The following TTLL5 variants were observed in gnomAD, a reference collection of about 807,000 sequenced individuals.
TTLL5 encodes the protein tubulin tyrosine ligase like 5, also known as tubulin polyglutamylase TTLL5.
In TTLL5, 132 loss-of-function variants were observed where a neutral mutation model predicts 168.4. The observed-to-expected ratio is 0.78, with a 90% CI of 0.68 to 0.91. The LOEUF (loss-of-function observed/expected upper bound fraction) is 0.91, where lower values mean the gene tolerates loss of function less well. Ranked by LOEUF, TTLL5 falls within the 40% of genes least tolerant of loss-of-function variation. The pLI is 0.00. For missense variants in TTLL5, 1,545 were observed against 1,581.5 expected (o/e 0.98, Z 0.39); for synonymous variants, 546 against 558.6 (o/e 0.98, Z 0.32).
At position 75,950,013 on chromosome 14, in the gene TTLL5, G is replaced by A. The variant is rs1237074209; in HGVS notation, c.3824-4411G>A. Among the ~76,000 whole-genome samples, 3 of 152,302 alleles carry A rather than the reference G, an allele frequency of 2.0e-5. No individual in the cohort carries two copies. The East Asian group carries it at 5.8e-4, about 29-fold the overall frequency. ...ACTCCTATAAAGAATGGGGATGTCAGTAGGGGGCTGTGTGTGACTTGTCTT... is the reference window on the plus strand; with the variant it reads ...ACTCCTATAAAGAATGGGGATGTCAATAGGGGGCTGTGTGTGACTTGTCTT... On this transcript the variant is annotated intron_variant, in intron 31 of 31. Transcript: ENST00000298832.
intron 23 of TTLL5, 28 bp downstream of exon 23, chr14:75,776,878 C>A: frequency 1.9e-6 from 3 of 1,546,272 alleles, no homozygotes; most frequent in South Asian, 1.1e-5. Context: ...TTGATAAAAG[C>A]TGTCTTATTC....
chr14:75,662,968 A>G (rs1890854916), intron 1 of TTLL5, 87 bp from the exon 2 acceptor site: 3 of 690,818 alleles, frequency 4.3e-6, no homozygotes, highest in Admixed American at 2.1e-5. Context: ...AGTCATTTTC[A>G]TTACTTAGAT....
At chr14:75,927,481 G>C (rs2140157916) in intron 31 of TTLL5, among the ~76,000 whole-genome samples, 1 of 152,240 alleles carries the variant, frequency 6.6e-6, no homozygotes, top group Non-Finnish European at 1.5e-5. Flanking sequence ...TTAATATTTA[G>C]AAAGTAAGAG....
chr14:75,720,484 G>A (rs1449754499), intron 11 of TTLL5, 112 bp from the exon 12 acceptor site: 2 of 794,598 alleles, frequency 2.5e-6, no homozygotes, highest in Non-Finnish European at 4.2e-6. Context: ...GCCATATAGA[G>A]GCTTTTTTGA....
chr14:75,667,379 TCTGTACTTG>T (rs752564336), intron 2 of TTLL5, among the ~76,000 whole-genome samples: 1 of 152,238 alleles, frequency 6.6e-6, no homozygotes, highest in Non-Finnish European at 1.5e-5. Context: ...CCTGTTTTTT[TCTGTACTTG>T]CTGATTTAGA....
At chr14:75,780,198 G>C (rs934599739) in intron 24 of TTLL5, among the ~76,000 whole-genome samples, 7 of 152,128 alleles carry the variant, frequency 4.6e-5, no homozygotes, top group African/African-American at 1.7e-4. Context: ...GATTATTTCT[G>C]ACTCTTGTCA....
chr14:75,820,364 C>T (rs1380167836), intron 28 of TTLL5, among the ~76,000 whole-genome samples: 1 of 152,164 alleles, frequency 6.6e-6, no homozygotes, highest in Non-Finnish European at 1.5e-5. Context: ...ATGAAAAGGA[C>T]ATTTCTGAGA....
Position 75,820,136 on chromosome 14 carries a change from A to G in TTLL5, c.3301A>G (p.Asn1101Asp). The G allele has an allele frequency of 6.3e-7, 1 of 1,598,492 alleles. No homozygotes were observed. Among genetic ancestry groups the G allele is most frequent in the Non-Finnish European group, 8.5e-7 (1 of 1,173,292 alleles). Residue 1101 changes from asparagine (N) to aspartate (D), a missense_variant, in exon 28 of 32, where the codon AAT (asparagine) becomes GAT (aspartate). By Grantham distance (23) the Asn-to-Asp change is conservative. Coordinates refer to ENST00000298832, the MANE Select transcript of TTLL5 (RefSeq NM_015072.5). ...ACAGTCAGACCCCCAAGCTCCCGAG[A>G]ATCACTCCAGCTCTCCTGGAAGCAG... is the stretch of plus-strand genomic sequence containing the variant. Reference protein sequence around the residue: ...STQSDPQAPENHSSSPGSRSL... With the variant: ...STQSDPQAPEDHSSSPGSRSL...
intron 27 of TTLL5, among the ~76,000 whole-genome samples, chr14:75,801,223 T>A (rs1158438112): frequency 6.6e-6 from 1 of 151,746 alleles, no homozygotes; most frequent in African/African-American, 2.4e-5. Flanking sequence ...GGGATGGGGG[T>A]GTGGTTCTCA....
At chr14:75,805,797 A>G (rs999718) in intron 27 of TTLL5, among the ~76,000 whole-genome samples, 19,992 of 152,176 alleles carry the variant, frequency 0.13, 1,398 homozygotes, top group African/African-American at 0.16. Flanking sequence ...CAGGGAATTT[A>G]GGAATGGAGC....
At chr14:75,890,868 C>T (rs1242294220) in intron 30 of TTLL5, among the ~76,000 whole-genome samples, 5 of 152,110 alleles carry the variant, frequency 3.3e-5, no homozygotes, top group African/African-American at 1.2e-4. Context: ...TACAGGCATG[C>T]ACCACCAAGC....
intron 5 of TTLL5, chr14:75,689,403 T>A (rs1275808800): frequency 2.6e-5 from 4 of 152,226 alleles, no homozygotes; most frequent in Non-Finnish European, 5.9e-5. Context: ...TGCTGTGTTT[T>A]AGGGTAATTT....
At chr14:75,914,912 T>C (rs531057809) in intron 31 of TTLL5, among the ~76,000 whole-genome samples, 60 of 152,332 alleles carry the variant, frequency 3.9e-4, no homozygotes, top group African/African-American at 1.2e-3. Flanking sequence ...CATGAGCCAC[T>C]GTGCCCGGCC....
At chr14:75,783,741 T>C (rs1892198853) in intron 26 of TTLL5, among the ~76,000 whole-genome samples, 1 of 152,170 alleles carries the variant, frequency 6.6e-6, no homozygotes, top group Non-Finnish European at 1.5e-5. Flanking sequence ...TTCTTTTAGG[T>C]ACTGGAGATA....
At chr14:75,786,892 G>A (rs1183906640) in intron 26 of TTLL5, among the ~76,000 whole-genome samples, 2 of 152,090 alleles carry the variant, frequency 1.3e-5, no homozygotes, top group Admixed American at 6.5e-5. Flanking sequence ...CAGCACTTTC[G>A]GAGGCCGAGT....
intron 18 of TTLL5, among the ~76,000 whole-genome samples, chr14:75,763,188 T>A (rs1415918097): frequency 2.0e-5 from 3 of 152,198 alleles, no homozygotes; most frequent in Admixed American, 6.5e-5. Flanking sequence ...ATTTTATCTT[T>A]CTATCAGATT....
At chr14:75,696,305 G>C (rs1312374651) in intron 6 of TTLL5, among the ~76,000 whole-genome samples, 1 of 152,070 alleles carries the variant, frequency 6.6e-6, no homozygotes, top group Non-Finnish European at 1.5e-5. Context: ...TAATCTTCAT[G>C]ATGGAAAAGA....
At position 75,924,507 on chromosome 14, in the gene TTLL5, A is replaced by G. The variant is rs529854277; in HGVS notation, c.3823+22283A>G. ...ATTCTTAATGAGCATGCTGCCTTCAAGCATCTGTTTAACAAAGCACATCTT... is the reference window on the plus strand; with the variant it reads ...ATTCTTAATGAGCATGCTGCCTTCAGGCATCTGTTTAACAAAGCACATCTT... On this transcript the variant is annotated intron_variant, in intron 31 of 31. Coordinates refer to ENST00000298832, the MANE Select transcript of TTLL5 (RefSeq NM_015072.5). Among the ~76,000 whole-genome samples, 24 of 151,990 alleles carry G rather than the reference A, an allele frequency of 1.6e-4. 1 individual carries two copies. In the South Asian group the frequency reaches 5.0e-3, roughly 31 times the overall value.
At chr14:75,937,196 A>C (rs1458823788) in intron 31 of TTLL5, among the ~76,000 whole-genome samples, 1 of 151,856 alleles carries the variant, frequency 6.6e-6, no homozygotes, top group African/African-American at 2.4e-5. Context: ...AGCTCACTGC[A>C]ACTGCCAACT....
Sources: gnomAD v4.1 joint callset for allele counts (sites outside exome capture counted in the v4.1 genomes callset) on GRCh38, gnomAD v4.1.1 for gene constraint, MANE v1.5 for transcripts, NCBI Gene and HGNC (gene_info 2026-07-23, HGNC 2026-07-21) for gene names.